Variants in FAM110B observed in about 807,000 individuals in gnomAD.
FAM110B encodes the protein protein FAM110B.
In FAM110B, 6 loss-of-function variants were observed where a neutral mutation model predicts 20.4. The ratio of observed to expected loss-of-function variants is 0.29; its 90% CI spans 0.16 to 0.58. FAM110B has a LOEUF of 0.58. FAM110B is among the 20% of genes least tolerant of loss of function. The pLI, the probability that FAM110B is intolerant of heterozygous loss-of-function variation, is 0.90. For synonymous variants in FAM110B, 226 were observed against 214.1 expected, an observed-to-expected ratio of 1.06 and a Z score of -0.49; for missense variants, 434 against 498.2, an observed-to-expected ratio of 0.87 and a Z score of 1.23.
At chr8:58,047,758 T>C (rs546120977) in intron 2 of FAM110B, among the ~76,000 whole-genome samples, 2 of 152,258 alleles carry the variant, frequency 1.3e-5, no homozygotes, top group East Asian at 1.9e-4. Flanking sequence ...GACTGATCTC[T>C]TGTAAAACTT....
At chr8:58,099,689 A>T (rs1484517802) in intron 3 of FAM110B, among the ~76,000 whole-genome samples, 2 of 152,070 alleles carry the variant, frequency 1.3e-5, no homozygotes, top group Non-Finnish European at 2.9e-5. Context: ...AAGATTTTTA[A>T]ATAGATATAC....
At chr8:58,054,755 C>A (rs1415245160) in intron 2 of FAM110B, among the ~76,000 whole-genome samples, 2 of 152,068 alleles carry the variant, frequency 1.3e-5, no homozygotes, top group East Asian at 1.9e-4. Context: ...GTGGGGAGAA[C>A]CATGTCCCTC....
At chr8:58,121,372 C>A (rs186314591) in intron 3 of FAM110B, among the ~76,000 whole-genome samples, 23 of 152,308 alleles carry the variant, frequency 1.5e-4, no homozygotes, top group Admixed American at 1.3e-3. Context: ...TTCAGTCAAT[C>A]TTAGCTTCCC....
In FAM110B at chr8:58,146,060, C is replaced by A; in HGVS notation, c.-171C>A. The A allele has an allele frequency of 1.4e-6, 1 of 702,810 alleles. No homozygotes were observed. Among genetic ancestry groups the A allele is most frequent in the South Asian group, 2.2e-5 (1 of 44,968 alleles). The allele number at this position is 702,810 out of a possible 1,614,324, so 43.5% of individuals were successfully genotyped here. ...GGGGAGAAAAGTGTATGAAAGCCACCGTGGCGGTTAATGAGCTGTGAGATG... is the reference window on the plus strand; with the variant it reads ...GGGGAGAAAAGTGTATGAAAGCCACAGTGGCGGTTAATGAGCTGTGAGATG... On this transcript the variant is annotated 5_prime_UTR_variant, in exon 4 of 4. Transcript: ENST00000519262.
chr8:58,106,209 A>G (rs1360254243), intron 3 of FAM110B: 1 of 152,320 alleles, frequency 6.6e-6, no homozygotes, highest in East Asian at 1.9e-4. Context: ...TGCAAACCTC[A>G]TAGTTAGGTC....
At chr8:58,007,435 T>A (rs1804434614) in intron 1 of FAM110B, among the ~76,000 whole-genome samples, 1 of 152,088 alleles carries the variant, frequency 6.6e-6, no homozygotes, top group East Asian at 1.9e-4. Context: ...AAAAATGAGG[T>A]TTCATCCCAT....
chr8:58,081,768 T>C (rs1806199189), intron 3 of FAM110B, among the ~76,000 whole-genome samples: 1 of 152,160 alleles, frequency 6.6e-6, no homozygotes, highest in African/African-American at 2.4e-5. Context: ...GTTTCAAAAG[T>C]TACTTTTTCC....
chr8:58,041,955 G>C (rs1323153918), intron 2 of FAM110B, among the ~76,000 whole-genome samples: 1 of 152,184 alleles, frequency 6.6e-6, no homozygotes, highest in Non-Finnish European at 1.5e-5. Context: ...AAATAAGCAG[G>C]GTTCTCGCTT....
At chr8:58,013,677 A>G (rs1804583935) in intron 1 of FAM110B, among the ~76,000 whole-genome samples, 1 of 152,144 alleles carries the variant, frequency 6.6e-6, no homozygotes, top group African/African-American at 2.4e-5. Flanking sequence ...TGAAGCCGAG[A>G]TATTTTTTAT....
At chr8:58,083,539 TC>T (rs1806254790) in intron 3 of FAM110B, among the ~76,000 whole-genome samples, 1 of 152,236 alleles carries the variant, frequency 6.6e-6, no homozygotes, top group Non-Finnish European at 1.5e-5. Flanking sequence ...ACTCACAGAT[TC>T]AATATTCAGA....
chr8:58,053,680 T>G (rs1386244175), intron 2 of FAM110B, among the ~76,000 whole-genome samples: 2 of 152,226 alleles, frequency 1.3e-5, no homozygotes, highest in Non-Finnish European at 2.9e-5. Context: ...GTTTTGGTGC[T>G]CCAGTAAAAT....
chr8:58,079,707 G>A (rs1806141699), intron 3 of FAM110B, among the ~76,000 whole-genome samples: 1 of 152,032 alleles, frequency 6.6e-6, no homozygotes, highest in South Asian at 2.1e-4. Flanking sequence ...CTTCATCCCA[G>A]GAGTTTGAGG....
At chr8:58,103,002 G>GA (rs60027491) in intron 3 of FAM110B, among the ~76,000 whole-genome samples, 25,506 of 98,252 alleles carry the variant, frequency 0.26, 3,920 homozygotes, top group Non-Finnish European at 0.37. Flanking sequence ...TGCTTGTTAT[G>GA]AAAAAAAAAA....
At chr8:58,128,573 A>T (rs754936311) in intron 3 of FAM110B, among the ~76,000 whole-genome samples, 4 of 152,166 alleles carry the variant, frequency 2.6e-5, no homozygotes, top group African/African-American at 4.8e-5. Flanking sequence ...GGAAAAAAAA[A>T]ATTAACTGTG....
chr8:58,089,469 C>A (rs1489491355), intron 3 of FAM110B, among the ~76,000 whole-genome samples: 1 of 152,176 alleles, frequency 6.6e-6, no homozygotes, highest in Non-Finnish European at 1.5e-5. Context: ...CAGGCATTAC[C>A]TTCTACACCC....
At chr8:58,109,680 G>C (rs1378905066) in intron 3 of FAM110B, among the ~76,000 whole-genome samples, 3 of 152,128 alleles carry the variant, frequency 2.0e-5, no homozygotes, top group Non-Finnish European at 4.4e-5. Context: ...AGGAATCCTG[G>C]ACAGGCCAAA....
At chr8:58,034,485 T>C (rs949682318) in intron 2 of FAM110B, among the ~76,000 whole-genome samples, 1 of 152,202 alleles carries the variant, frequency 6.6e-6, no homozygotes, top group Non-Finnish European at 1.5e-5. Context: ...TCCTCAGTGC[T>C]GAGGGTAAGA....
chr8:58,078,262 T>C (rs1806086141), intron 3 of FAM110B, among the ~76,000 whole-genome samples: 1 of 152,212 alleles, frequency 6.6e-6, no homozygotes, highest in Non-Finnish European at 1.5e-5. Flanking sequence ...GCAAATGAAG[T>C]CATGAAATAA....
At chr8:58,107,337 T>G (rs532349126) in intron 3 of FAM110B, among the ~76,000 whole-genome samples, 1 of 152,298 alleles carries the variant, frequency 6.6e-6, no homozygotes, top group East Asian at 1.9e-4. Context: ...ATTAAAGTTT[T>G]TTGTTGTTGT....
Sources: allele counts gnomAD v4.1 joint callset (sites outside exome capture counted in the v4.1 genomes callset), GRCh38; gene constraint gnomAD v4.1.1; transcripts MANE v1.5; gene names NCBI Gene and HGNC (gene_info 2026-07-23, HGNC 2026-07-21).